PID1: variants seen among roughly 807,000 people sequenced by gnomAD.
The protein encoded by PID1 is PTB-containing, cubilin and LRP1-interacting protein.
A neutral mutation model predicts 19.1 loss-of-function variants in PID1; 10 were observed. That is an observed-to-expected ratio of 0.52 (90% CI 0.32 to 0.89). The LOEUF is 0.89. Ranked by LOEUF, PID1 falls within the 40% of genes least tolerant of loss-of-function variation. PID1 has a pLI of 0.03. For synonymous variants in PID1, 130 were observed against 116.0 expected, an observed-to-expected ratio of 1.12 and a Z score of -0.78; for missense variants, 248 against 285.3, an observed-to-expected ratio of 0.87 and a Z score of 0.94.
At chr2:229,238,362 T>C (rs1338025562) in intron 1 of PID1, among the ~76,000 whole-genome samples, 3 of 152,280 alleles carry the variant, frequency 2.0e-5, no homozygotes, top group East Asian at 1.9e-4. Flanking sequence ...CATCGCTCAG[T>C]TGATCTTGGA....
chr2:229,142,684 A>G (rs1192992986), intron 2 of PID1, among the ~76,000 whole-genome samples: 1 of 152,208 alleles, frequency 6.6e-6, no homozygotes, highest in Non-Finnish European at 1.5e-5. Flanking sequence ...ATCATTAAAA[A>G]GTCAGGAAAC....
chr2:229,143,485 T>C (rs2106183195), intron 2 of PID1, among the ~76,000 whole-genome samples: 1 of 151,786 alleles, frequency 6.6e-6, no homozygotes, highest in Non-Finnish European at 1.5e-5. Flanking sequence ...GAAACAAGAG[T>C]CTCCAAATTA....
chr2:229,103,538 A>G (rs1017211556), intron 2 of PID1, among the ~76,000 whole-genome samples: 2 of 151,700 alleles, frequency 1.3e-5, no homozygotes, highest in Non-Finnish European at 2.9e-5. Flanking sequence ...GGTTATGGAA[A>G]TTAGCCTAGA....
intron 2 of PID1, among the ~76,000 whole-genome samples, chr2:229,134,569 A>G (rs1689820669): frequency 6.6e-6 from 1 of 152,066 alleles, no homozygotes; most frequent in Admixed American, 6.6e-5. Flanking sequence ...CCAAAAGTTA[A>G]AGCGTGAACA....
intron 1 of PID1, among the ~76,000 whole-genome samples, chr2:229,266,431 C>T (rs1690593891): frequency 6.8e-6 from 1 of 147,150 alleles, no homozygotes; most frequent in Non-Finnish European, 1.5e-5. Context: ...GCTTATGTGC[C>T]ACCAAAGATT....
At chr2:229,029,907 A>C (rs756328074) in intron 2 of PID1, among the ~76,000 whole-genome samples, 4 of 152,106 alleles carry the variant, frequency 2.6e-5, no homozygotes, top group Non-Finnish European at 4.4e-5. Flanking sequence ...CTGGGTATAT[A>C]CCCCAAATAA....
chr2:229,078,828 T>G (rs894751567), intron 2 of PID1, among the ~76,000 whole-genome samples: 1 of 152,190 alleles, frequency 6.6e-6, no homozygotes, highest in Non-Finnish European at 1.5e-5. Context: ...TCTCTGTGGC[T>G]GAATCCTGCT....
intron 2 of PID1, among the ~76,000 whole-genome samples, chr2:229,117,667 C>A (rs1293507866): frequency 1.3e-5 from 2 of 152,120 alleles, no homozygotes; most frequent in African/African-American, 4.8e-5. Flanking sequence ...CTTCCTATCC[C>A]CTTTATGCCC....
Position 229,088,567 on chromosome 2 carries a change from T to C in PID1, c.178-62459A>G, listed in dbSNP as rs558792632. 2.2e-4 allele frequency among the ~76,000 whole-genome samples: 34 copies of C among 152,302 alleles called. No individual in the cohort carries two copies. In the South Asian group the frequency reaches 4.3e-3, roughly 19 times the overall value. ...CTCTTCACAATAAGAAATACTCTTT[T>C]GTTCTCAACCTTCAGTCATTAGAGA... On this transcript the variant is annotated intron_variant, in intron 2 of 2. Transcript: ENST00000392055.
intron 2 of PID1, among the ~76,000 whole-genome samples, chr2:229,110,210 T>C (rs111641568): frequency 1.3e-5 from 2 of 152,336 alleles, no homozygotes; most frequent in African/African-American, 4.8e-5. Flanking sequence ...CTATGATATG[T>C]GCCATGGATG....
intron 1 of PID1, chr2:229,262,623 C>A: frequency 6.5e-7 from 1 of 1,532,802 alleles, no homozygotes; most frequent in Non-Finnish European, 8.8e-7. Flanking sequence ...CTACCTAGGG[C>A]TGTTGTAACA....
At chr2:229,050,268 A>G (rs966968207) in intron 2 of PID1, among the ~76,000 whole-genome samples, 2 of 152,238 alleles carry the variant, frequency 1.3e-5, no homozygotes, top group African/African-American at 4.8e-5. Flanking sequence ...TCTCTCTCAC[A>G]TATCACAATG....
At chr2:229,142,788 C>T (rs1026308508) in intron 2 of PID1, among the ~76,000 whole-genome samples, 4 of 151,974 alleles carry the variant, frequency 2.6e-5, no homozygotes, top group Admixed American at 6.6e-5. Context: ...GTCAGTATGG[C>T]GATTCCTCAG....
At chr2:229,090,347 T>C (rs1470227858) in intron 2 of PID1, among the ~76,000 whole-genome samples, 1 of 152,220 alleles carries the variant, frequency 6.6e-6, no homozygotes, top group African/African-American at 2.4e-5. Context: ...CTGTCTTTTA[T>C]TGAAAACCTG....
At chr2:229,171,993 C>T (rs1690720674) in intron 1 of PID1, among the ~76,000 whole-genome samples, 1 of 152,184 alleles carries the variant, frequency 6.6e-6, no homozygotes, top group South Asian at 2.1e-4. Context: ...CCACTGAAAT[C>T]ATACAACTTT....
At chr2:229,134,242 T>G (rs1220937844) in intron 2 of PID1, among the ~76,000 whole-genome samples, 2 of 146,752 alleles carry the variant, frequency 1.4e-5, no homozygotes, top group African/African-American at 5.1e-5. Context: ...TTTTTTTTTT[T>G]TTTTTTTTTT....
At chr2:229,140,904 T>C (rs989683445) in intron 2 of PID1, among the ~76,000 whole-genome samples, 2 of 152,070 alleles carry the variant, frequency 1.3e-5, no homozygotes, top group African/African-American at 4.8e-5. Context: ...TTTAAAGGGG[T>C]CTGTAATTTA....
intron 2 of PID1, among the ~76,000 whole-genome samples, chr2:229,043,739 T>C (rs142607285): frequency 6.6e-6 from 1 of 152,318 alleles, no homozygotes; most frequent in South Asian, 2.1e-4. Flanking sequence ...GCAATCACTG[T>C]CTAGTAGACA....
intron 1 of PID1, among the ~76,000 whole-genome samples, chr2:229,183,878 CTATATATA>C (rs148369137): frequency 0.023 from 432 of 18,706 alleles, 183 homozygotes; most frequent in East Asian, 0.1. Context: ...CTCTCTCTTT[CTATATATA>C]TATATATATA....
Sources: allele counts gnomAD v4.1 joint callset (sites outside exome capture counted in the v4.1 genomes callset), GRCh38; gene constraint gnomAD v4.1.1; transcripts MANE v1.5; gene names NCBI Gene and HGNC (gene_info 2026-07-23, HGNC 2026-07-21).